CDH13: variants seen among roughly 807,000 people sequenced by gnomAD.
CDH13 encodes cadherin 13, also known as cadherin-13.
Under a neutral mutation model 63.8 loss-of-function variants are expected in CDH13, and 24 were observed. The observed-to-expected ratio is 0.38, with a 90% CI of 0.27 to 0.53. The LOEUF (loss-of-function observed/expected upper bound fraction) is 0.53. Among genes scored for constraint, CDH13 ranks in the 20% least tolerant of loss-of-function variants. CDH13 has a pLI of 0.85. For missense variants in CDH13, 1,049 were observed against 903.1 expected (o/e 1.16, Z -2.07); for synonymous variants, 503 against 355.3 (o/e 1.42, Z -4.67).
chr16:83,418,515 A>G (rs1567659176), intron 6 of CDH13, among the ~76,000 whole-genome samples: 1 of 152,234 alleles, frequency 6.6e-6, no homozygotes, highest in South Asian at 2.1e-4. Context: ...AGCTATGGGG[A>G]CAATATAGTG....
chr16:83,392,480 T>C lies in CDH13; in HGVS notation c.781+47474T>C, dbSNP rs564095016. 6.4e-4 allele frequency among the ~76,000 whole-genome samples: 97 copies of C among 152,340 alleles called. 1 individual carries two copies. Among genetic ancestry groups the C allele is most frequent in the African/African-American group, 2.3e-3 (94 of 41,578 alleles). ...AGAGAAATAATTAGATTCTAGAACC[T>C]CAATTATCATCGTAATGACTCCCCT... On this transcript the variant is annotated intron_variant, in intron 6 of 13. Coordinates refer to ENST00000567109, the MANE Select transcript of CDH13 (RefSeq NM_001257.5).
chr16:82,921,782 C>T (rs1353533215), intron 2 of CDH13, among the ~76,000 whole-genome samples: 1 of 151,976 alleles, frequency 6.6e-6, no homozygotes, highest in African/African-American at 2.4e-5. Context: ...GGGAAGTGTT[C>T]TCTCCTCCTA....
intron 7 of CDH13, among the ~76,000 whole-genome samples, chr16:83,497,246 G>C (rs1375574353): frequency 6.6e-6 from 1 of 151,968 alleles, no homozygotes; most frequent in African/African-American, 2.4e-5. Context: ...CAATAGCAAA[G>C]ACTTGGAACC....
At chr16:83,019,881 T>C (rs1447010450) in intron 2 of CDH13, among the ~76,000 whole-genome samples, 2 of 150,394 alleles carry the variant, frequency 1.3e-5, no homozygotes, top group African/African-American at 2.5e-5. Context: ...ATATTAAATA[T>C]ATAAACCAGT....
chr16:83,504,969 CT>C (rs2074363161), intron 7 of CDH13, among the ~76,000 whole-genome samples: 1 of 152,110 alleles, frequency 6.6e-6, no homozygotes, highest in African/African-American at 2.4e-5. Context: ...TCTCCTTTCT[CT>C]GTAAAAATGG....
At chr16:82,713,373 A>G (rs74923365) in intron 1 of CDH13, among the ~76,000 whole-genome samples, 1 of 152,136 alleles carries the variant, frequency 6.6e-6, no homozygotes, top group Non-Finnish European at 1.5e-5. Context: ...AAGTACCTGC[A>G]TGAGTCCCAG....
At chr16:82,829,001 A>C (rs1463321272) in intron 1 of CDH13, among the ~76,000 whole-genome samples, 2 of 152,172 alleles carry the variant, frequency 1.3e-5, no homozygotes, top group Non-Finnish European at 2.9e-5. Context: ...TAGATACCTT[A>C]GGCTAGAGCG....
rs185775214 is a variant in CDH13 at position 83,701,709 on chromosome 16, C to T, written c.1538+23248C>T. Among the ~76,000 whole-genome samples the T allele has an allele frequency of 3.9e-4, 60 of 152,304 alleles. 2 individuals are homozygous for T. In the East Asian group the frequency reaches 0.01, roughly 25 times the overall value. ...TTCTTCCTCAGGACGTTACTACGAT[C>T]CAGCCCCACTTCAGCACCACGGTCA... On this transcript the variant is annotated intron_variant, in intron 10 of 13. Coordinates refer to ENST00000567109, the MANE Select transcript of CDH13 (RefSeq NM_001257.5).
At chr16:83,111,002 CAAAA>C (rs398030036) in intron 3 of CDH13, among the ~76,000 whole-genome samples, 10 of 106,272 alleles carry the variant, frequency 9.4e-5, no homozygotes, top group South Asian at 3.7e-4. Context: ...TAGGTTGTTG[CAAAA>C]AAAAAAAAAA....
intron 7 of CDH13, among the ~76,000 whole-genome samples, chr16:83,528,979 G>T (rs2075022812): frequency 6.6e-6 from 1 of 152,032 alleles, no homozygotes; most frequent in Non-Finnish European, 1.5e-5. Context: ...TAAATTGCTT[G>T]GTCCACCTGA....
intron 5 of CDH13, among the ~76,000 whole-genome samples, chr16:83,288,377 A>G (rs1034739507): frequency 2.6e-5 from 4 of 152,230 alleles, no homozygotes; most frequent in Non-Finnish European, 4.4e-5. Flanking sequence ...CAAGGTCTAC[A>G]TGAGGTGGAG....
At chr16:82,696,880 G>A (rs1414333162) in intron 1 of CDH13, among the ~76,000 whole-genome samples, 7 of 152,168 alleles carry the variant, frequency 4.6e-5, no homozygotes, top group Middle Eastern at 3.2e-3. Context: ...GCTTGACTGG[G>A]GCTGGAAGAT....
chr16:82,680,485 GT>G (rs1220431316), intron 1 of CDH13, among the ~76,000 whole-genome samples: 2 of 139,234 alleles, frequency 1.4e-5, no homozygotes, highest in African/African-American at 5.4e-5. Context: ...GGTCTGGGAA[GT>G]GGGGCTAACA....
chr16:83,424,436 C>T (rs1366455861), intron 6 of CDH13, among the ~76,000 whole-genome samples: 2 of 152,200 alleles, frequency 1.3e-5, no homozygotes, highest in African/African-American at 4.8e-5. Flanking sequence ...TTCAGTTGTT[C>T]AAACTAGTTG....
intron 5 of CDH13, among the ~76,000 whole-genome samples, chr16:83,253,668 G>T (rs1905861718): frequency 6.6e-6 from 1 of 152,190 alleles, no homozygotes; most frequent in South Asian, 2.1e-4. Flanking sequence ...CTGCCCTTCT[G>T]CAAATACTCT....
intron 7 of CDH13, among the ~76,000 whole-genome samples, chr16:83,600,710 T>G (rs1907704588): frequency 6.6e-6 from 1 of 152,196 alleles, no homozygotes; most frequent in Admixed American, 6.5e-5. Context: ...TAAAGGTAGT[T>G]CAACTCGGAC....
chr16:82,744,891 C>T (rs1180588459), intron 1 of CDH13, among the ~76,000 whole-genome samples: 1 of 152,174 alleles, frequency 6.6e-6, no homozygotes, highest in Non-Finnish European at 1.5e-5. Flanking sequence ...TTGTATCACT[C>T]TAATCCCCAG....
chr16:83,614,522 T>C (rs1567806052), intron 8 of CDH13, among the ~76,000 whole-genome samples: 1 of 152,240 alleles, frequency 6.6e-6, no homozygotes, highest in Non-Finnish European at 1.5e-5. Flanking sequence ...GTAAAAGTTC[T>C]ATGGAATATT....
At position 82,804,417 on chromosome 16, in the gene CDH13, A is replaced by G. The variant is rs184347886; in HGVS notation, c.46-53945A>G. Among the ~76,000 whole-genome samples, 105 of 152,284 alleles carry G rather than the reference A, an allele frequency of 6.9e-4. 1 individual carries two copies. The highest frequency in any genetic ancestry group is 1.5e-3 in the South Asian group (7 of 4,824). ...GGTATCACAGGTATATGCATATATA[A>G]AACATATCAAATTGTATACATTTAA... On this transcript the variant is annotated intron_variant, in intron 1 of 13. Coordinates refer to ENST00000567109, the MANE Select transcript of CDH13 (RefSeq NM_001257.5).
Sources: allele counts gnomAD v4.1 joint callset (sites outside exome capture counted in the v4.1 genomes callset), GRCh38; gene constraint gnomAD v4.1.1; transcripts MANE v1.5; gene names NCBI Gene and HGNC (gene_info 2026-07-23, HGNC 2026-07-21).